The following XRN1 variants were observed in gnomAD, a reference collection of about 807,000 sequenced individuals.
The protein encoded by XRN1 is strand-exchange protein 1 homolog.
A neutral mutation model predicts 222.3 loss-of-function variants in XRN1; 67 were observed. That is an observed-to-expected ratio of 0.30 (90% CI 0.25 to 0.37). The LOEUF is 0.37. XRN1 is among the 10% of genes least tolerant of loss of function. The pLI is 1.00. For missense variants in XRN1, 1,707 were observed against 2,000.2 expected (o/e 0.85, Z 2.80); for synonymous variants, 643 against 652.4 (o/e 0.99, Z 0.22).
At chr3:142,383,611 T>C (rs1215210844) in intron 21 of XRN1, among the ~76,000 whole-genome samples, 198 bp from the exon 22 acceptor site, 1 of 152,208 alleles carries the variant, frequency 6.6e-6, no homozygotes, top group East Asian at 1.9e-4. Context: ...ATTGAGTTCA[T>C]TTAATCCTCA....
At chr3:142,446,732 C>CG (rs368807061) in intron 1 of XRN1, among the ~76,000 whole-genome samples, 1 of 151,982 alleles carries the variant, frequency 6.6e-6, no homozygotes, top group African/African-American at 2.4e-5. Context: ...TAGCCCTCCC[C>CG]GGGGGAAAAA....
intron 1 of XRN1, among the ~76,000 whole-genome samples, chr3:142,436,306 T>C (rs1275986534): frequency 2.6e-5 from 4 of 152,192 alleles, no homozygotes; most frequent in African/African-American, 7.2e-5. Context: ...GGCTGGCATT[T>C]ATTATGCAAT....
chr3:142,314,180 C>T (rs546608176), intron 39 of XRN1, among the ~76,000 whole-genome samples: 3 of 152,210 alleles, frequency 2.0e-5, no homozygotes, highest in South Asian at 4.2e-4. Context: ...TAATCTAATG[C>T]TTAAGTTGTT....
In XRN1 at chr3:142,373,546, C is replaced by T. The variant is rs1387138647; in HGVS notation, c.2979-2218G>A. Among the ~76,000 whole-genome samples the T allele has an allele frequency of 2.6e-5, 4 of 152,106 alleles. No homozygotes were observed. The East Asian group carries it at 7.7e-4, about 29-fold the overall frequency. On this transcript the variant is annotated intron_variant, in intron 25 of 40. Coordinates refer to ENST00000392981, the MANE Select transcript of XRN1 (RefSeq NM_001282857.2). ...ATCCATACCAAGGCACACATCCTTA[C>T]ATTATTAAAAAGCACCAGTAAAGGA...
intron 32 of XRN1, among the ~76,000 whole-genome samples, chr3:142,349,962 G>GA (rs753184098): frequency 9.9e-5 from 15 of 152,134 alleles, no homozygotes; most frequent in Middle Eastern, 3.4e-3. Context: ...TGTAGTGAGA[G>GA]AAAAAATGGG....
At chr3:142,428,214 G>C (rs537844606) in intron 2 of XRN1, among the ~76,000 whole-genome samples, 1 of 151,984 alleles carries the variant, frequency 6.6e-6, no homozygotes, top group Non-Finnish European at 1.5e-5. Context: ...CCAACATGGT[G>C]AAACCCCATC....
intron 12 of XRN1, 50 bp from the exon 13 acceptor site, chr3:142,417,279 T>G (rs764943254): frequency 6.6e-7 from 1 of 1,521,878 alleles, no homozygotes; most frequent in East Asian, 2.3e-5. Context: ...GACAGGCCCG[T>G]GTCTTTAGAG....
At chr3:142,348,824 AGAC>A (rs1311454507) in intron 32 of XRN1, among the ~76,000 whole-genome samples, 1 of 152,136 alleles carries the variant, frequency 6.6e-6, no homozygotes, top group Non-Finnish European at 1.5e-5. Context: ...TTTTTTGTAG[AGAC>A]AGGGATCTTA....
In XRN1 at chr3:142,331,661, A is replaced by C. The variant is rs536994668; in HGVS notation, c.4222+714T>G. Reference sequence around the variant, plus strand: ...ACTGAGGACAAAAGCTAGAATGTGCAAACTTTTAAAGGTTTGGATGTCTAC... The same window carrying C: ...ACTGAGGACAAAAGCTAGAATGTGCCAACTTTTAAAGGTTTGGATGTCTAC... On this transcript the variant is annotated intron_variant, in intron 36 of 40. Coordinates refer to ENST00000392981, the MANE Select transcript of XRN1 (RefSeq NM_001282857.2). Among the ~76,000 whole-genome samples, 169 of 152,376 alleles carry C rather than the reference A, an allele frequency of 1.1e-3. 1 individual carries two copies. Among genetic ancestry groups the C allele is most frequent in the Non-Finnish European group, 2.0e-3 (138 of 68,036 alleles).
At chr3:142,438,967 GAGAC>G (rs2108197800) in intron 1 of XRN1, among the ~76,000 whole-genome samples, 1 of 151,860 alleles carries the variant, frequency 6.6e-6, no homozygotes, top group Non-Finnish European at 1.5e-5. Flanking sequence ...CGGTCCAAAG[GAGAC>G]AGACAAAGGG....
intron 2 of XRN1, among the ~76,000 whole-genome samples, chr3:142,427,295 C>A (rs1235793652): frequency 6.6e-6 from 1 of 151,946 alleles, no homozygotes; most frequent in East Asian, 1.9e-4. Context: ...ATTGTACCCA[C>A]TGCACTCCAG....
At chr3:142,435,762 CAA>C (rs1176485060) in intron 1 of XRN1, among the ~76,000 whole-genome samples, 5 of 58,502 alleles carry the variant, frequency 8.5e-5, no homozygotes, top group Non-Finnish European at 3.5e-5. Context: ...CCCCACCCCC[CAA>C]AAAAAAAAAA....
At chr3:142,409,108 T>C (rs1057156510) in intron 15 of XRN1, among the ~76,000 whole-genome samples, 8 of 152,210 alleles carry the variant, frequency 5.3e-5, no homozygotes, top group Non-Finnish European at 1.0e-4. Context: ...TGCATGTGTA[T>C]GTTCTGCATA....
At chr3:142,372,315 G>A (rs1053268543) in intron 25 of XRN1, among the ~76,000 whole-genome samples, 2 of 152,196 alleles carry the variant, frequency 1.3e-5, no homozygotes, top group Admixed American at 1.3e-4. Flanking sequence ...GTGTCACTAG[G>A]AAGCATAAGG....
chr3:142,380,236 C>A, intron 22 of XRN1, 56 bp from the exon 23 acceptor site: 1 of 1,388,618 alleles, frequency 7.2e-7, no homozygotes, highest in South Asian at 1.3e-5. Context: ...TATTTTTTAA[C>A]TTATTTGAAC....
In XRN1 at chr3:142,311,035, T is replaced by G. The variant is rs1392755935; in HGVS notation, c.*476A>C. On this transcript the variant is annotated 3_prime_UTR_variant, in exon 41 of 41. Transcript: ENST00000392981. ...CCATTCTCCTGACAATTTTCTTACA[T>G]CATTAAAAAGAGAAATAAAATCCAC... 1 of 152,782 alleles carries G rather than the reference T, an allele frequency of 6.5e-6. No homozygotes were observed. The highest frequency in any genetic ancestry group is 2.4e-5 in the African/African-American group (1 of 41,436). The allele number at this position is 152,782 out of a possible 1,614,324, so 9.5% of individuals were successfully genotyped here. A position where few individuals can be genotyped will look rare whatever the true frequency, so the allele number is the denominator to read the frequency against.
chr3:142,345,547 C>T (rs1240441632), intron 33 of XRN1, among the ~76,000 whole-genome samples: 1 of 152,056 alleles, frequency 6.6e-6, no homozygotes, highest in Admixed American at 6.6e-5. Context: ...AGAAAAAATA[C>T]ACAAATTGGA....
Position 142,448,035 on chromosome 3 carries a change from G to A in XRN1, c.-91C>T, listed in dbSNP as rs950389793. The A allele has an allele frequency of 2.2e-6, 3 of 1,388,724 alleles. No homozygotes were observed. The highest frequency in any genetic ancestry group is 3.0e-6 in the Non-Finnish European group (3 of 989,712). The allele number at this position is 1,388,724 out of a possible 1,614,324, so 86.0% of individuals were successfully genotyped here. ...CGCAGCCTCCGGTCGTCGCTCCGCG[G>A]ATGACAACACACCGCCCGGCCGACC... On this transcript the variant is annotated 5_prime_UTR_variant, in exon 1 of 41. Transcript: ENST00000392981.
Position 142,354,642 on chromosome 3 carries a change from C to T in XRN1, c.3768+759G>A, listed in dbSNP as rs181178600. ...GGGCGATCTTGGCTCACTGCAACCTCTGGCCTCCCAAGTTCAAGCAACTCT... is the reference window on the plus strand; with the variant it reads ...GGGCGATCTTGGCTCACTGCAACCTTTGGCCTCCCAAGTTCAAGCAACTCT... On this transcript the variant is annotated intron_variant, in intron 32 of 40. Coordinates refer to ENST00000392981, the MANE Select transcript of XRN1 (RefSeq NM_001282857.2). Among the ~76,000 whole-genome samples the T allele has an allele frequency of 1.6e-3, 241 of 152,226 alleles. 1 individual carries two copies. Among genetic ancestry groups the T allele is most frequent in the African/African-American group, 4.6e-3 (190 of 41,544 alleles).
Sources: gnomAD v4.1 joint callset for allele counts (sites outside exome capture counted in the v4.1 genomes callset) on GRCh38, gnomAD v4.1.1 for gene constraint, MANE v1.5 for transcripts, NCBI Gene and HGNC (gene_info 2026-07-23, HGNC 2026-07-21) for gene names.